Variants in KTN1 observed in about 807,000 individuals in gnomAD.
The protein encoded by KTN1 is kinectin 1, also known as kinectin.
In KTN1, 130 loss-of-function variants were observed where a neutral mutation model predicts 222.5. That is an observed-to-expected ratio of 0.58 (90% CI 0.51 to 0.68). The LOEUF (loss-of-function observed/expected upper bound fraction) is 0.68, where lower values mean the gene tolerates loss of function less well. Among genes scored for constraint, KTN1 ranks in the 30% least tolerant of loss-of-function variants. The probability of loss-of-function intolerance (pLI) is 0.00; values close to 1 mark genes in which losing one functional copy is unlikely to be tolerated. For missense variants in KTN1, 1,508 were observed against 1,500.4 expected (o/e 1.01, Z -0.08); for synonymous variants, 512 against 496.3 (o/e 1.03, Z -0.42).
At chr14:55,643,329 G>A (rs566862392) in intron 18 of KTN1, among the ~76,000 whole-genome samples, 1 of 151,820 alleles carries the variant, frequency 6.6e-6, no homozygotes, top group South Asian at 2.1e-4. Context: ...AATGTATCTT[G>A]TAGTCTCTGG....
intron 5 of KTN1, among the ~76,000 whole-genome samples, chr14:55,620,461 C>T (rs572064165): frequency 6.6e-6 from 1 of 152,308 alleles, no homozygotes; most frequent in African/African-American, 2.4e-5. Context: ...TCCATGAGGG[C>T]CCCACCCCTG....
At position 55,643,418 on chromosome 14, in the gene KTN1, T is replaced by C. The variant is rs527972815; in HGVS notation, c.2172+1658T>C. Among the ~76,000 whole-genome samples the C allele has an allele frequency of 2.0e-5, 3 of 152,320 alleles. No individual in the cohort carries two copies. In the East Asian group the frequency reaches 5.8e-4, roughly 29 times the overall value. On this transcript the variant is annotated intron_variant, in intron 18 of 43. Coordinates refer to ENST00000395314, the MANE Select transcript of KTN1 (RefSeq NM_001079521.2). ...AGTGGTGAGATATAACATTGGTGAC[T>C]TGGATTAGATAAAATGTAATAGATT...
At chr14:55,590,850 A>G (rs548194402) in intron 1 of KTN1, among the ~76,000 whole-genome samples, 1 of 151,838 alleles carries the variant, frequency 6.6e-6, no homozygotes, top group African/African-American at 2.4e-5. Context: ...TAATTTTTAT[A>G]TTTTTAGTAG....
At chr14:55,622,305 A>G (rs180991638) in intron 5 of KTN1, among the ~76,000 whole-genome samples, 87 of 152,270 alleles carry the variant, frequency 5.7e-4, no homozygotes, top group African/African-American at 1.3e-3. Context: ...CCTCAGGACT[A>G]TTGTTGTGGG....
chr14:55,601,734 T>C (rs2036000864), intron 1 of KTN1: 1 of 152,198 alleles, frequency 6.6e-6, no homozygotes, highest in South Asian at 2.1e-4. Flanking sequence ...TTTGAAGTGC[T>C]TTATATTTTT....
At chr14:55,667,372 C>CACACCTTTCTTG in intron 34 of KTN1, 42 bp downstream of exon 34, 2 of 1,212,484 alleles carry the variant, frequency 1.6e-6, no homozygotes, top group Non-Finnish European at 2.4e-6. Context: ...TGACATTATT[C>CACACCTTTCTTG]AAGAAAGGTG....
At chr14:55,588,926 G>GT (rs1472836050) in intron 1 of KTN1, among the ~76,000 whole-genome samples, 1 of 151,590 alleles carries the variant, frequency 6.6e-6, no homozygotes, top group Middle Eastern at 3.4e-3. Context: ...TTCCCTGTGA[G>GT]TTTTTTTCAT....
chr14:55,611,736 A>G (rs978801444), intron 1 of KTN1, among the ~76,000 whole-genome samples: 2 of 152,228 alleles, frequency 1.3e-5, no homozygotes, highest in African/African-American at 4.8e-5. Context: ...GAAAGTAATG[A>G]ATATTTAAAT....
Position 55,646,981 on chromosome 14 carries a change from G to T in KTN1, c.2181G>T (p.Lys727Asn), listed in dbSNP as rs2042429909. ...GGTGATTTTTATTTTAGCCTAATAA[G>T]GATGTTGTGGAACAAATGGAAAAAT... is the stretch of plus-strand genomic sequence containing the variant. ...LQTLVSEQPN[K>N]DVVEQMEKCI... is the part of the protein sequence containing the mutation. Residue 727 changes from lysine (K) to asparagine (N), a missense_variant, in exon 19 of 44, where the codon AAG becomes AAT. Physicochemically the swap from Lys to Asn is moderately conservative, Grantham distance 94. Coordinates refer to ENST00000395314, the MANE Select transcript of KTN1 (RefSeq NM_001079521.2). The T allele has an allele frequency of 6.5e-7, 1 of 1,533,214 alleles. No homozygotes were observed. Among genetic ancestry groups the T allele is most frequent in the Non-Finnish European group, 9.0e-7 (1 of 1,109,706 alleles). 95.0% of individuals were successfully genotyped at this position (1,533,214 alleles called of 1,614,324 possible).
chr14:55,636,590 CCT>C (rs1444117575), intron 10 of KTN1, 54 bp downstream of exon 10: 5 of 1,286,056 alleles, frequency 3.9e-6, no homozygotes, highest in East Asian at 2.5e-5. Flanking sequence ...GGTAAAATTT[CCT>C]CTCTCTTCCA....
At chr14:55,622,701 A>T (rs572276562) in intron 5 of KTN1, among the ~76,000 whole-genome samples, 45 of 152,242 alleles carry the variant, frequency 3.0e-4, no homozygotes, top group African/African-American at 1.0e-3. Context: ...CTGATTACCT[A>T]CAGTAGTCTC....
In KTN1 at chr14:55,612,126, G is replaced by C. The variant is rs1255234293; in HGVS notation, c.78G>C (p.Trp26Cys). 6.4e-7 allele frequency: 1 copy of C among 1,564,296 alleles called. No individual in the cohort carries two copies. Among genetic ancestry groups the C allele is most frequent in the Admixed American group, 2.2e-5 (1 of 45,822 alleles). The change falls in exon 2 of 44, where the codon TGG becomes TGC. Residue 26 changes from tryptophan (W) to cysteine (C), a missense_variant. Trp to Cys is a radical substitution (Grantham distance 215). Coordinates refer to ENST00000395314, the MANE Select transcript of KTN1 (RefSeq NM_001079521.2). ...IVITVIFLFF[W>C]LFMKETLYDE... ...TTACAGTAATTTTCCTCTTCTTCTG[G>C]CTTTTCATGAAAGAAACATTATATG... is the stretch of plus-strand genomic sequence containing the variant.
chr14:55,637,587 T>C lies in KTN1; in HGVS notation c.1717-192T>C, dbSNP rs546012250. 2.9e-4 allele frequency among the ~76,000 whole-genome samples: 44 copies of C among 151,558 alleles called. 1 individual carries two copies. The South Asian group carries it at 8.9e-3, about 31-fold the overall frequency. ...TTAGATTAGGAATAGCACAAACATA[T>C]CTTTAACTTCTGTCTTATAAGCTAA... On this transcript the variant is annotated intron_variant, in intron 11 of 43. Coordinates refer to ENST00000395314, the MANE Select transcript of KTN1 (RefSeq NM_001079521.2).
chr14:55,682,174 A>C (rs865836357), intron 43 of KTN1: 1 of 152,182 alleles, frequency 6.6e-6, no homozygotes, highest in Non-Finnish European at 1.5e-5. Context: ...CATAGTACTT[A>C]GCGTTTCTTA....
In KTN1 at chr14:55,598,192, T is replaced by G. The variant is rs374760335; in HGVS notation, c.-30-13827T>G. On this transcript the variant is annotated intron_variant, in intron 1 of 43. Transcript: ENST00000395314. Reference sequence around the variant, plus strand: ...GGCTCACGCCTGTAATCCCAGCACTTTGGGAGGCCGAAGCGGGCGGATCAC... The same window carrying G: ...GGCTCACGCCTGTAATCCCAGCACTGTGGGAGGCCGAAGCGGGCGGATCAC... Among the ~76,000 whole-genome samples, 475 of 152,176 alleles carry G rather than the reference T, an allele frequency of 3.1e-3. 3 individuals are homozygous for G. Among genetic ancestry groups the G allele is most frequent in the Admixed American group, 8.3e-3 (127 of 15,286 alleles).
intron 2 of KTN1, among the ~76,000 whole-genome samples, chr14:55,614,193 T>C (rs892793408): frequency 1.2e-4 from 19 of 152,188 alleles, no homozygotes; most frequent in Admixed American, 3.9e-4. Context: ...AGGTTAGCCA[T>C]TGTTGAAGAT....
chr14:55,596,303 C>A (rs1328841906), intron 1 of KTN1, among the ~76,000 whole-genome samples: 2 of 151,822 alleles, frequency 1.3e-5, no homozygotes, highest in Non-Finnish European at 2.9e-5. Context: ...ATTTTTAGTA[C>A]ATGATATTTA....
chr14:55,671,110 C>G (rs1041778072), intron 35 of KTN1, among the ~76,000 whole-genome samples: 1 of 152,044 alleles, frequency 6.6e-6, no homozygotes, highest in African/African-American at 2.4e-5. Flanking sequence ...AAAGATTAGT[C>G]GAGATAGGTA....
rs757527518 is a variant in KTN1 at position 55,612,352 on chromosome 14, T to C, written c.304T>C (p.Leu102=). The change falls in exon 2 of 44, where the codon TTG becomes CTG. Residue 102 remains leucine, a synonymous_variant. Transcript: ENST00000395314. Reference sequence around the variant, plus strand: ...AGATGATCAAGTTGCACCTGTTCCATTGAATGTCGTTGAAACTTCAAGTAG... The same window carrying C: ...AGATGATCAAGTTGCACCTGTTCCACTGAATGTCGTTGAAACTTCAAGTAG... The part of the protein sequence containing the change: ...VEDDQVAPVP[L]NVVETSSSVR... 1.2e-6 allele frequency: 2 copies of C among 1,613,928 alleles called. No individual in the cohort carries two copies. The highest frequency in any genetic ancestry group is 1.3e-5 in the African/African-American group (1 of 74,912).
Sources: allele counts gnomAD v4.1 joint callset (sites outside exome capture counted in the v4.1 genomes callset), GRCh38; gene constraint gnomAD v4.1.1; transcripts MANE v1.5; gene names NCBI Gene and HGNC (gene_info 2026-07-23, HGNC 2026-07-21).